EIF3E: variants seen among roughly 807,000 people sequenced by gnomAD.
The protein encoded by EIF3E is eukaryotic translation initiation factor 3 subunit E, also known as eIF-3 p48.
Under a neutral mutation model 59.3 loss-of-function variants are expected in EIF3E, and 25 were observed. The observed-to-expected ratio is 0.42, with a 90% CI of 0.31 to 0.59. EIF3E has a LOEUF of 0.59. EIF3E is among the 20% of genes least tolerant of loss of function. EIF3E has a pLI of 0.15. For missense variants in EIF3E, 317 were observed against 534.3 expected (o/e 0.59, Z 4.01); for synonymous variants, 176 against 170.2 (o/e 1.03, Z -0.26).
chr8:108,235,049 T>C lies in EIF3E; in HGVS notation c.420A>G (p.Glu140=). 1 of 1,604,770 alleles carries C rather than the reference T, an allele frequency of 6.2e-7. No homozygotes were observed. The highest frequency in any genetic ancestry group is 8.5e-7 in the Non-Finnish European group (1 of 1,176,798). Residue 140 remains glutamate, a synonymous_variant, in exon 5 of 13, where the codon GAA becomes GAG. Transcript: ENST00000220849. ...CTGCTGCTCCTGAGTAATTCCCACATTCGTACTGGAATTTTGCATATCTGT... is the reference window on the plus strand; with the variant it reads ...CTGCTGCTCCTGAGTAATTCCCACACTCGTACTGGAATTTTGCATATCTGT... The part of the protein sequence containing the change: ...TLYRYAKFQY[E]CGNYSGAAEY...
In EIF3E at chr8:108,201,263, A is replaced by AGT. The variant is rs1814990872; in HGVS notation, c.*621_*622insAC. On this transcript the variant is annotated 3_prime_UTR_variant, in exon 13 of 13. Transcript: ENST00000220849. ...TTAACTACTGATCATATATATATAT[A>AGT]TATCTATCTCTCAACTTGGATGGCT... The AGT allele has an allele frequency of 7.2e-6, 1 of 138,462 alleles. No individual in the cohort carries two copies. The highest frequency in any genetic ancestry group is 3.2e-5 in the African/African-American group (1 of 31,276). 8.6% of individuals were successfully genotyped at this position (138,462 alleles called of 1,614,324 possible).
At chr8:108,243,966 C>T (rs1248641787) in intron 1 of EIF3E, among the ~76,000 whole-genome samples, 2 of 152,178 alleles carry the variant, frequency 1.3e-5, no homozygotes, top group Non-Finnish European at 2.9e-5. Context: ...GCTCCTCTAC[C>T]ATCAGGTGTT....
At chr8:108,209,508 CTTTATA>C (rs1815167312) in intron 10 of EIF3E, among the ~76,000 whole-genome samples, 2 of 152,056 alleles carry the variant, frequency 1.3e-5, no homozygotes, top group African/African-American at 4.8e-5. Flanking sequence ...TAATTTGTAA[CTTTATA>C]TTTATTTGTC....
At chr8:108,212,549 C>A (rs1815232229) in intron 10 of EIF3E, among the ~76,000 whole-genome samples, 1 of 152,316 alleles carries the variant, frequency 6.6e-6, no homozygotes, top group African/African-American at 2.4e-5. Context: ...CGCCTGTAAT[C>A]CCAGCACTTT....
At chr8:108,210,092 C>CT (rs1010288597) in intron 10 of EIF3E, among the ~76,000 whole-genome samples, 1 of 150,284 alleles carries the variant, frequency 6.7e-6, no homozygotes, top group Non-Finnish European at 1.5e-5. Flanking sequence ...CTTAGAGGAC[C>CT]TTTTTTTAAA....
intron 5 of EIF3E, among the ~76,000 whole-genome samples, chr8:108,232,576 T>C (rs914469273): frequency 6.6e-6 from 1 of 152,158 alleles, no homozygotes; most frequent in Non-Finnish European, 1.5e-5. Context: ...CTGTCACTTG[T>C]AGAAATTTTC....
In EIF3E at chr8:108,243,638, GAAAAAAAAAAAA is replaced by G. The variant is rs779684560; in HGVS notation, c.91-1737_91-1726del. Among the ~76,000 whole-genome samples, 545 of 71,006 alleles carry G rather than the reference GAAAAAAAAAAAA, an allele frequency of 7.7e-3. 5 individuals are homozygous for G. The highest frequency in any genetic ancestry group is 0.023 in the African/African-American group (494 of 21,274). The allele number at this position is 71,006 out of a possible 152,430, so 46.6% of individuals were successfully genotyped here. On this transcript the variant is annotated intron_variant, in intron 1 of 12. Transcript: ENST00000220849. ...AGCAAGACTCTGTCTCAAAAAAAAA[GAAAAAAAAAAAA>G]AAAAAAAAAAGGATGTCTGTAATGT...
intron 7 of EIF3E, among the ~76,000 whole-genome samples, chr8:108,226,630 A>T (rs1815521505): frequency 6.6e-6 from 1 of 152,200 alleles, no homozygotes; most frequent in Non-Finnish European, 1.5e-5. Flanking sequence ...ATGGCTTTTC[A>T]GTGTATATCT....
intron 2 of EIF3E, among the ~76,000 whole-genome samples, chr8:108,240,933 TCG>T (rs1418317139): frequency 9.9e-5 from 15 of 151,504 alleles, no homozygotes; most frequent in African/African-American, 3.6e-4. Flanking sequence ...TGAGCCGAGA[TCG>T]CACCACTGCA....
intron 3 of EIF3E, among the ~76,000 whole-genome samples, chr8:108,238,652 GGTATA>G (rs553814846): frequency 6.6e-6 from 1 of 152,110 alleles, no homozygotes; most frequent in Non-Finnish European, 1.5e-5. Flanking sequence ...AGTATGGTAT[GGTATA>G]GTATAGTATA....
chr8:108,246,261 A>C (rs1815945417), intron 1 of EIF3E, among the ~76,000 whole-genome samples: 1 of 132,840 alleles, frequency 7.5e-6, no homozygotes, highest in African/African-American at 2.9e-5. Flanking sequence ...GGAACTGCAG[A>C]AATTGAAACT....
At chr8:108,223,303 TA>T (rs1359976367) in intron 7 of EIF3E, among the ~76,000 whole-genome samples, 1 of 152,116 alleles carries the variant, frequency 6.6e-6, no homozygotes, top group Non-Finnish European at 1.5e-5. Flanking sequence ...GGACAGGCTT[TA>T]AAAAGAGAAA....
chr8:108,243,945 T>G (rs1394189408), intron 1 of EIF3E, among the ~76,000 whole-genome samples: 2 of 152,168 alleles, frequency 1.3e-5, no homozygotes, highest in African/African-American at 4.8e-5. Context: ...CACAATAGAT[T>G]CAATAGCCTT....
chr8:108,212,211 G>C (rs961825269), intron 10 of EIF3E, among the ~76,000 whole-genome samples: 2 of 152,028 alleles, frequency 1.3e-5, no homozygotes, highest in Non-Finnish European at 2.9e-5. Flanking sequence ...ACGGTGAATG[G>C]GCTCTGCTTT....
At chr8:108,245,375 G>A (rs1222252889) in intron 1 of EIF3E, among the ~76,000 whole-genome samples, 6 of 152,110 alleles carry the variant, frequency 3.9e-5, no homozygotes, top group African/African-American at 1.2e-4. Flanking sequence ...GGGCTGAGGT[G>A]GGAGAATTGC....
At chr8:108,242,244 C>G (rs1273520668) in intron 1 of EIF3E, 2 of 1,296,576 alleles carry the variant, frequency 1.5e-6, no homozygotes, top group African/African-American at 1.5e-5. Context: ...AAATAAAACC[C>G]ACGCCATCTT....
At chr8:108,222,047 G>GT (rs1586199287) in intron 7 of EIF3E, among the ~76,000 whole-genome samples, 1 of 151,882 alleles carries the variant, frequency 6.6e-6, no homozygotes, top group East Asian at 1.9e-4. Context: ...GGCTCCAGGC[G>GT]TTTTTACTTT....
chr8:108,202,346 T>C (rs1815010415), intron 12 of EIF3E, among the ~76,000 whole-genome samples: 1 of 152,042 alleles, frequency 6.6e-6, no homozygotes, highest in African/African-American at 2.4e-5. Context: ...TCCTAAAATT[T>C]CAATCAAATG....
chr8:108,213,229 GA>G (rs919815309), intron 10 of EIF3E, among the ~76,000 whole-genome samples: 1 of 152,128 alleles, frequency 6.6e-6, no homozygotes, highest in African/African-American at 2.4e-5. Flanking sequence ...AGAGTTAAAG[GA>G]AAAGAGCTAC....
Sources: allele counts gnomAD v4.1 joint callset (sites outside exome capture counted in the v4.1 genomes callset), GRCh38; gene constraint gnomAD v4.1.1; transcripts MANE v1.5; gene names NCBI Gene and HGNC (gene_info 2026-07-23, HGNC 2026-07-21).